The following GRIN2A variants were observed in gnomAD, a reference collection of about 807,000 sequenced individuals.
GRIN2A encodes the protein glutamate ionotropic receptor NMDA type subunit 2A.
In GRIN2A, 22 loss-of-function variants were observed where a neutral mutation model predicts 113.4. The ratio of observed to expected loss-of-function variants is 0.19; its 90% CI spans 0.14 to 0.28. The LOEUF is 0.28. Among genes scored for constraint, GRIN2A ranks in the 10% least tolerant of loss-of-function variants. GRIN2A has a pLI of 1.00. For missense variants in GRIN2A, 1,502 were observed against 1,887.0 expected, an observed-to-expected ratio of 0.80 and a Z score of 3.78; for synonymous variants, 827 against 738.4, an observed-to-expected ratio of 1.12 and a Z score of -1.94.
At chr16:9,979,424 C>G (rs2045840903) in intron 2 of GRIN2A, among the ~76,000 whole-genome samples, 1 of 152,130 alleles carries the variant, frequency 6.6e-6, no homozygotes. Flanking sequence ...GTTCCCTATA[C>G]CTGGAATGCT....
At chr16:9,902,239 T>C (rs910338127) in intron 3 of GRIN2A, among the ~76,000 whole-genome samples, 1 of 152,302 alleles carries the variant, frequency 6.6e-6, no homozygotes. Flanking sequence ...TTCTGGATAA[T>C]AGGAAGACAG....
chr16:10,151,872 G>A (rs892571083), intron 2 of GRIN2A, among the ~76,000 whole-genome samples: 3 of 152,118 alleles, frequency 2.0e-5, no homozygotes, highest in East Asian at 1.9e-4. Context: ...TCTGACCTCC[G>A]ACCCTCCTCA....
At chr16:9,986,070 C>T (rs1254250963) in intron 2 of GRIN2A, among the ~76,000 whole-genome samples, 1 of 151,846 alleles carries the variant, frequency 6.6e-6, no homozygotes, top group Non-Finnish European at 1.5e-5. Context: ...TATACATATA[C>T]AATGGAATGA....
chr16:10,119,634 T>C (rs1051898667), intron 2 of GRIN2A, among the ~76,000 whole-genome samples: 1 of 152,208 alleles, frequency 6.6e-6, no homozygotes, highest in Non-Finnish European at 1.5e-5. Context: ...AAACTGTGTG[T>C]CACAGGGATT....
chr16:10,043,992 T>G (rs1413496907), intron 2 of GRIN2A, among the ~76,000 whole-genome samples: 2 of 81,496 alleles, frequency 2.5e-5, no homozygotes, highest in Non-Finnish European at 4.7e-5. Flanking sequence ...TACACATACG[T>G]GTGTGTGTGT....
intron 11 of GRIN2A, among the ~76,000 whole-genome samples, chr16:9,776,707 C>T (rs989229827): frequency 5.9e-5 from 9 of 151,876 alleles, no homozygotes; most frequent in Non-Finnish European, 7.4e-5. Context: ...CATTCGGGTT[C>T]GCTGTGAACA....
intron 2 of GRIN2A, among the ~76,000 whole-genome samples, chr16:10,143,746 C>T (rs1396862056): frequency 6.6e-6 from 1 of 152,114 alleles, no homozygotes; most frequent in African/African-American, 2.4e-5. Context: ...AAGTGGATCT[C>T]TTGAGCCCAG....
chr16:9,804,265 G>C (rs1402622180), intron 10 of GRIN2A, among the ~76,000 whole-genome samples: 1 of 152,150 alleles, frequency 6.6e-6, no homozygotes, highest in Non-Finnish European at 1.5e-5. Context: ...TGGAGGGGTT[G>C]AGCTGCGACT....
chr16:9,938,001 C>T lies in GRIN2A; in HGVS notation c.965G>A (p.Gly322Glu). The change falls in exon 3 of 13, where the codon GGG becomes GAG. Residue 322 changes from glycine (G) to glutamate (E), a missense_variant. Gly to Glu is a moderately conservative substitution (Grantham distance 98). Transcript: ENST00000330684. ...YIPEAKASCY[G>E]QMERPEVPMH... ...CGGGACCTCTGGCCTCTCCATCTGC[C>T]CGTAGCAGCTGGCCTTGGCCTCGGG... 6.2e-7 allele frequency: 1 copy of T among 1,614,030 alleles called. No individual in the cohort carries two copies. The highest frequency in any genetic ancestry group is 8.5e-7 in the Non-Finnish European group (1 of 1,179,972).
At chr16:9,787,876 A>G (rs1363195246) in intron 11 of GRIN2A, among the ~76,000 whole-genome samples, 1 of 152,056 alleles carries the variant, frequency 6.6e-6, no homozygotes, top group East Asian at 1.9e-4. Flanking sequence ...GCTGGTTGTA[A>G]TGGGTGTTGC....
At chr16:9,814,067 C>G (rs772442549) in intron 10 of GRIN2A, among the ~76,000 whole-genome samples, 1 of 152,196 alleles carries the variant, frequency 6.6e-6, no homozygotes, top group Non-Finnish European at 1.5e-5. Flanking sequence ...TTACCTTTGC[C>G]TTGGGAATGC....
chr16:10,162,749 T>C (rs1016019709), intron 2 of GRIN2A, among the ~76,000 whole-genome samples: 4 of 152,238 alleles, frequency 2.6e-5, no homozygotes, highest in African/African-American at 9.6e-5. Context: ...ATATGACTTT[T>C]AGGGAGATAC....
intron 2 of GRIN2A, among the ~76,000 whole-genome samples, chr16:10,004,171 A>C (rs1182968668): frequency 6.6e-6 from 1 of 152,000 alleles, no homozygotes; most frequent in Non-Finnish European, 1.5e-5. Context: ...CGGGCACATC[A>C]CGAAGTCAGG....
chr16:9,894,010 T>C (rs1472097880), intron 3 of GRIN2A, among the ~76,000 whole-genome samples: 1 of 152,114 alleles, frequency 6.6e-6, no homozygotes, highest in Non-Finnish European at 1.5e-5. Context: ...AGAGTAAATG[T>C]AAGAAGGTGA....
At position 10,046,306 on chromosome 16, in the gene GRIN2A, G is replaced by A. The variant is rs569759896; in HGVS notation, c.415-107755C>T. Among the ~76,000 whole-genome samples, 10 of 149,258 alleles carry A rather than the reference G, an allele frequency of 6.7e-5. 1 individual carries two copies. In the South Asian group the frequency reaches 2.0e-3, roughly 29 times the overall value. On this transcript the variant is annotated intron_variant, in intron 2 of 12. Transcript: ENST00000330684. ...CCCTGAGGATGCAGCCAATAAAAAA[G>A]GATGAAATACATTTTTAAATTGTTT...
At chr16:10,159,116 T>C (rs2049761816) in intron 2 of GRIN2A, among the ~76,000 whole-genome samples, 1 of 152,156 alleles carries the variant, frequency 6.6e-6, no homozygotes, top group Admixed American at 6.5e-5. Context: ...TGTGATTCCC[T>C]GGGCTTCACT....
At chr16:10,165,735 AAGGAGGGGAGGGGAGAAAGG>A (rs2049906957) in intron 2 of GRIN2A, among the ~76,000 whole-genome samples, 1 of 38,400 alleles carries the variant, frequency 2.6e-5, no homozygotes, top group African/African-American at 1.1e-4. Flanking sequence ...GGAGGGGAGA[AAGGAGGGGAGGGGAGAAAGG>A]AGGGGAGGGG....
chr16:9,937,850 A>G (rs2141628723), intron 3 of GRIN2A, 109 bp downstream of exon 3: 1 of 783,640 alleles, frequency 1.3e-6, no homozygotes. Flanking sequence ...TAAACACATA[A>G]CATTCTGCAT....
chr16:10,031,895 G>A (rs966938574), intron 2 of GRIN2A, among the ~76,000 whole-genome samples: 4 of 152,074 alleles, frequency 2.6e-5, no homozygotes, highest in East Asian at 1.9e-4. Flanking sequence ...TGATCCCTCC[G>A]GCCACAGGGC....
Sources: allele counts gnomAD v4.1 joint callset (sites outside exome capture counted in the v4.1 genomes callset), GRCh38; gene constraint gnomAD v4.1.1; transcripts MANE v1.5; gene names NCBI Gene and HGNC (gene_info 2026-07-23, HGNC 2026-07-21).